The following DAPK1 variants were observed in gnomAD, a reference collection of about 807,000 sequenced individuals.
The protein encoded by DAPK1 is death-associated protein kinase 1.
A neutral mutation model predicts 144.9 loss-of-function variants in DAPK1; 56 were observed. The observed-to-expected ratio is 0.39, with a 90% CI of 0.31 to 0.48. The LOEUF (loss-of-function observed/expected upper bound fraction) is 0.48. Among genes scored for constraint, DAPK1 ranks in the 20% least tolerant of loss-of-function variants. The probability of loss-of-function intolerance (pLI) is 0.95; values close to 1 mark genes in which losing one functional copy is unlikely to be tolerated. For missense variants in DAPK1, 1,454 were observed against 1,875.4 expected (o/e 0.78, Z 4.15); for synonymous variants, 690 against 749.0 (o/e 0.92, Z 1.29).
In DAPK1 at chr9:87,706,410, C is replaced by T. The variant is rs1265612336; in HGVS notation, c.3339C>T (p.His1113=). The change falls in exon 26 of 26, where the codon CAC becomes CAT. Residue 1113 remains histidine (H), a synonymous_variant. Coordinates refer to ENST00000408954, the MANE Select transcript of DAPK1 (RefSeq NM_004938.4). The surrounding 1 kb of genome is among the most constrained non-coding windows in gnomAD (Gnocchi z 9.0). ...CCCTGATCAAGACAGACAACCTGCA[C>T]CGCTCCTGGGCTGATGAGGAGGACG... ...VPALIKTDNL[H]RSWADEEDEV... is the part of the protein sequence containing the mutation. The T allele has an allele frequency of 6.2e-7, 1 of 1,613,020 alleles. No individual in the cohort carries two copies.
chr9:87,522,813 A>G (rs111380941), intron 2 of DAPK1, among the ~76,000 whole-genome samples: 45 of 152,214 alleles, frequency 3.0e-4, no homozygotes, highest in African/African-American at 1.0e-3. Context: ...TGCTACTTTG[A>G]TAAGTGTAGT....
At chr9:87,521,089 A>G (rs1048851300) in intron 2 of DAPK1, among the ~76,000 whole-genome samples, 1 of 152,162 alleles carries the variant, frequency 6.6e-6, no homozygotes, top group African/African-American at 2.4e-5. Context: ...CCTTGTACAA[A>G]TTATGTTCCT....
intron 17 of DAPK1, among the ~76,000 whole-genome samples, chr9:87,653,952 C>G (rs762896108): frequency 1.3e-5 from 2 of 152,174 alleles, no homozygotes; most frequent in Non-Finnish European, 2.9e-5. Flanking sequence ...CTTCAGCCCC[C>G]CAATGTGCTG....
intron 2 of DAPK1, among the ~76,000 whole-genome samples, chr9:87,598,860 T>G (rs1332314402): frequency 6.6e-6 from 1 of 152,232 alleles, no homozygotes; most frequent in African/African-American, 2.4e-5. Context: ...CAACTTGGGT[T>G]TCTTTCTGAT....
intron 3 of DAPK1, among the ~76,000 whole-genome samples, chr9:87,614,898 C>T (rs906035225): frequency 7.2e-5 from 11 of 152,168 alleles, no homozygotes; most frequent in African/African-American, 2.2e-4. Context: ...TCTGGTCATA[C>T]GGAGTCCACA....
chr9:87,617,349 G>C (rs943089890), intron 3 of DAPK1, among the ~76,000 whole-genome samples: 4 of 152,162 alleles, frequency 2.6e-5, no homozygotes, highest in Admixed American at 2.6e-4. Flanking sequence ...GCTTTCCATT[G>C]CCAGGGCCAC....
intron 15 of DAPK1, 142 bp downstream of exon 15, chr9:87,649,021 G>A: frequency 1.4e-6 from 1 of 703,724 alleles, no homozygotes. Context: ...CAAGGGGCAG[G>A]GACTCAAACA....
At chr9:87,669,765 G>GC (rs1301919319) in intron 19 of DAPK1, among the ~76,000 whole-genome samples, 2 of 54,028 alleles carry the variant, frequency 3.7e-5, no homozygotes, top group Admixed American at 2.9e-4. Context: ...GCCAGGGGCA[G>GC]GGGGGGGCCA....
chr9:87,646,860 A>C (rs1425049751), intron 13 of DAPK1, among the ~76,000 whole-genome samples: 1 of 151,932 alleles, frequency 6.6e-6, no homozygotes, highest in Non-Finnish European at 1.5e-5. Flanking sequence ...CACATGAAAA[A>C]GTTTTGTTAT....
At chr9:87,509,763 C>CACACTCCCACAG (rs1824761144) in intron 2 of DAPK1, among the ~76,000 whole-genome samples, 1 of 152,204 alleles carries the variant, frequency 6.6e-6, no homozygotes, top group East Asian at 1.9e-4. Context: ...AGTGTGTGAA[C>CACACTCCCACAG]TGCTGGGAGT....
At chr9:87,585,475 C>T (rs1827915941) in intron 2 of DAPK1, among the ~76,000 whole-genome samples, 1 of 152,194 alleles carries the variant, frequency 6.6e-6, no homozygotes, top group Admixed American at 6.5e-5. Context: ...TCTTAGTGCA[C>T]ACAAATTACG....
Position 87,498,110 on chromosome 9 carries a change from G to A in DAPK1, c.-109+3G>A. The A allele has an allele frequency of 5.0e-6, 2 of 397,560 alleles. No homozygotes were observed. Among genetic ancestry groups the A allele is most frequent in the Middle Eastern group, 6.3e-4 (1 of 1,588 alleles). The allele number at this position is 397,560 out of a possible 1,614,324, so 24.6% of individuals were successfully genotyped here. On this transcript the variant is annotated splice_donor_region_variant and intron_variant, in intron 1 of 25. Coordinates refer to ENST00000408954, the MANE Select transcript of DAPK1 (RefSeq NM_004938.4). The stretch of plus-strand genomic sequence containing the variant: ...CGGGGGAGCTCCCAGGCGCCCGGGT[G>A]AGTAGCCAGGCGCGGCTCCCCGGTC...
chr9:87,609,662 T>C (rs994117461), intron 3 of DAPK1, among the ~76,000 whole-genome samples: 1 of 152,214 alleles, frequency 6.6e-6, no homozygotes, highest in African/African-American at 2.4e-5. Flanking sequence ...ACAGATTCCA[T>C]TTCCACTTTT....
intron 2 of DAPK1, among the ~76,000 whole-genome samples, chr9:87,508,561 C>T (rs1183132843): frequency 6.6e-6 from 1 of 151,982 alleles, no homozygotes. Context: ...CCAGGATGGT[C>T]TCTATCTCCT....
chr9:87,630,271 C>T (rs965591255), intron 3 of DAPK1, among the ~76,000 whole-genome samples: 11 of 152,218 alleles, frequency 7.2e-5, no homozygotes, highest in African/African-American at 2.7e-4. Context: ...TGGTCACTTT[C>T]TTTTAATTTA....
rs1026371881 is a variant in DAPK1 at position 87,560,356 on chromosome 9, AACATT to A, written c.63-44592_63-44588del. 3.9e-4 allele frequency among the ~76,000 whole-genome samples: 60 copies of A among 152,310 alleles called. 2 individuals are homozygous for A. The highest frequency in any genetic ancestry group is 1.3e-3 in the African/African-American group (56 of 41,562). ...TTTTAATATGTGGTTACAATCACAT[AACATT>A]ACATTTACCATTTAAACATTTTAAA... is the stretch of plus-strand genomic sequence containing the variant. On this transcript the variant is annotated intron_variant, in intron 2 of 25. Coordinates refer to ENST00000408954, the MANE Select transcript of DAPK1 (RefSeq NM_004938.4).
chr9:87,642,306 A>C (rs1830125153), intron 10 of DAPK1, among the ~76,000 whole-genome samples: 1 of 152,226 alleles, frequency 6.6e-6, no homozygotes, highest in Non-Finnish European at 1.5e-5. Context: ...TCTCAGTGCA[A>C]ATTTTTATAG....
At chr9:87,635,215 G>A (rs1829848849) in intron 3 of DAPK1, among the ~76,000 whole-genome samples, 1 of 152,102 alleles carries the variant, frequency 6.6e-6, no homozygotes, top group Non-Finnish European at 1.5e-5. Flanking sequence ...CCTGAGGCCA[G>A]GGCAGCATGG....
At chr9:87,654,047 T>C (rs1830549069) in intron 17 of DAPK1, among the ~76,000 whole-genome samples, 1 of 152,204 alleles carries the variant, frequency 6.6e-6, no homozygotes, top group South Asian at 2.1e-4. Context: ...CAAAAGTTCC[T>C]ACTACCGTTT....
Sources: gnomAD v4.1 joint callset for allele counts (sites outside exome capture counted in the v4.1 genomes callset) on GRCh38, gnomAD v4.1.1 for gene constraint, Gnocchi (gnomAD v3.1) non-coding constraint, MANE v1.5 for transcripts, NCBI Gene and HGNC (gene_info 2026-07-23, HGNC 2026-07-21) for gene names.